The following FOXP1 variants were observed in gnomAD, a reference collection of about 807,000 sequenced individuals.
FOXP1 encodes the protein forkhead box protein P1.
Under a neutral mutation model 98.2 loss-of-function variants are expected in FOXP1, and 15 were observed. That is an observed-to-expected ratio of 0.15 (90% CI 0.10 to 0.24). The LOEUF is 0.24. Ranked by LOEUF, FOXP1 falls within the 10% of genes least tolerant of loss-of-function variation. FOXP1 has a pLI of 1.00. For synonymous variants in FOXP1, 371 were observed against 314.5 expected (o/e 1.18, Z -1.90); for missense variants, 633 against 848.5 (o/e 0.75, Z 3.15).
intron 7 of FOXP1, among the ~76,000 whole-genome samples, chr3:71,091,502 A>C (rs2055840813): frequency 6.6e-6 from 1 of 151,802 alleles, no homozygotes; most frequent in African/African-American, 2.4e-5. Context: ...AACAAAACAA[A>C]ACAAAACAAA....
intron 5 of FOXP1, among the ~76,000 whole-genome samples, chr3:71,282,924 G>A (rs1016394595): frequency 4.6e-5 from 7 of 152,068 alleles, no homozygotes; most frequent in African/African-American, 7.2e-5. Flanking sequence ...TCATCATGTC[G>A]GCACCTGAGA....
intron 10 of FOXP1, among the ~76,000 whole-genome samples, chr3:71,046,518 A>AC (rs1330341900): frequency 1.3e-5 from 2 of 152,214 alleles, no homozygotes; most frequent in Non-Finnish European, 2.9e-5. Context: ...AGATATTAAA[A>AC]CATGGCATTT....
At chr3:71,344,682 CA>C (rs111895618) in intron 4 of FOXP1, among the ~76,000 whole-genome samples, 1 of 151,906 alleles carries the variant, frequency 6.6e-6, no homozygotes, top group Non-Finnish European at 1.5e-5. Flanking sequence ...ACTAAAAATA[CA>C]AAAAAATTAG....
In FOXP1 at chr3:71,578,678, C is replaced by G. The variant is rs547177977; in HGVS notation, c.-298+2871G>C. On this transcript the variant is annotated intron_variant, in intron 2 of 20. Coordinates refer to ENST00000649528, the MANE Select transcript of FOXP1 (RefSeq NM_001349338.3). The stretch of plus-strand genomic sequence containing the variant: ...TCTTTCTTAATTTTGGCACTGGACC[C>G]CCTGCAATATAAATATATTTGAAAA... Among the ~76,000 whole-genome samples the G allele has an allele frequency of 4.6e-5, 7 of 152,230 alleles. No homozygotes were observed. The East Asian group carries it at 1.3e-3, about 29-fold the overall frequency.
chr3:71,004,304 TA>T (rs957659039), intron 12 of FOXP1, among the ~76,000 whole-genome samples: 183 of 149,740 alleles, frequency 1.2e-3, no homozygotes, highest in Non-Finnish European at 1.4e-3. Flanking sequence ...AGGAGATTAG[TA>T]AAAAAAAAAT....
chr3:71,366,444 A>G (rs1024202659), intron 3 of FOXP1, among the ~76,000 whole-genome samples: 6 of 152,224 alleles, frequency 3.9e-5, no homozygotes, highest in Non-Finnish European at 8.8e-5. Context: ...GGAAAATTGT[A>G]TCTACAGTAA....
chr3:71,036,398 G>T (rs2047595973), intron 11 of FOXP1, among the ~76,000 whole-genome samples: 1 of 152,088 alleles, frequency 6.6e-6, no homozygotes, highest in Non-Finnish European at 1.5e-5. Context: ...ATCTGATCAG[G>T]GTTTAAGGAA....
At chr3:71,042,868 A>T (rs2048534148) in intron 10 of FOXP1, among the ~76,000 whole-genome samples, 1 of 152,236 alleles carries the variant, frequency 6.6e-6, no homozygotes, top group African/African-American at 2.4e-5. Context: ...TCAGCCAAAC[A>T]TCTTTACTTT....
At chr3:71,233,747 A>G (rs902734326) in intron 5 of FOXP1, among the ~76,000 whole-genome samples, 1 of 152,128 alleles carries the variant, frequency 6.6e-6, no homozygotes, top group African/African-American at 2.4e-5. Context: ...GGGGACCCCA[A>G]GAAGGACAAA....
intron 4 of FOXP1, among the ~76,000 whole-genome samples, chr3:71,311,181 T>C (rs1043731076): frequency 6.6e-5 from 10 of 152,172 alleles, no homozygotes; most frequent in African/African-American, 2.2e-4. Context: ...AACTAACTAC[T>C]AGACTCAAGC....
At chr3:71,045,037 C>T (rs2048838947) in intron 10 of FOXP1, among the ~76,000 whole-genome samples, 2 of 152,092 alleles carry the variant, frequency 1.3e-5, no homozygotes, top group Non-Finnish European at 2.9e-5. Context: ...GGGGACAAAA[C>T]CAACCTCCTG....
At chr3:71,573,551 T>C (rs1363752344) in intron 2 of FOXP1, 1 of 152,188 alleles carries the variant, frequency 6.6e-6, no homozygotes, top group Non-Finnish European at 1.5e-5. Context: ...CAAAAGCCAT[T>C]ATTTAGAAAA....
intron 5 of FOXP1, among the ~76,000 whole-genome samples, chr3:71,207,659 T>C (rs1374445098): frequency 2.0e-5 from 3 of 152,188 alleles, no homozygotes; most frequent in African/African-American, 4.8e-5. Flanking sequence ...TGTATCTTTG[T>C]AATTTACAGC....
chr3:71,583,803 C>A (rs551714405), upstream of FOXP1: 31 of 987,126 alleles, frequency 3.1e-5, no homozygotes, highest in African/African-American at 4.6e-4. Context: ...CCAGCCAGCG[C>A]CGGTGGCGGC....
chr3:71,493,352 G>C (rs1412944453), intron 3 of FOXP1, 74 bp downstream of exon 3: 1 of 152,160 alleles, frequency 6.6e-6, no homozygotes, highest in Non-Finnish European at 1.5e-5. Context: ...CTCATCCTGG[G>C]TGGGCAACTG....
intron 6 of FOXP1, among the ~76,000 whole-genome samples, chr3:71,149,587 G>A (rs916753401): frequency 6.6e-6 from 1 of 152,004 alleles, no homozygotes; most frequent in Non-Finnish European, 1.5e-5. Flanking sequence ...CTACATTTAT[G>A]CCTTTTATCA....
chr3:70,976,851 A>T, intron 17 of FOXP1, 90 bp downstream of exon 17: 1 of 908,312 alleles, frequency 1.1e-6, no homozygotes, highest in Non-Finnish European at 1.8e-6. Context: ...ATATAAATGT[A>T]GCTTCCTTAT....
At chr3:71,511,306 C>T (rs1021766544) in intron 2 of FOXP1, among the ~76,000 whole-genome samples, 1 of 152,016 alleles carries the variant, frequency 6.6e-6, no homozygotes, top group African/African-American at 2.4e-5. Context: ...AAAGTAGGAA[C>T]CAGACCAGAC....
At chr3:71,217,825 T>G (rs1158508697) in intron 5 of FOXP1, among the ~76,000 whole-genome samples, 1 of 152,166 alleles carries the variant, frequency 6.6e-6, no homozygotes, top group Non-Finnish European at 1.5e-5. Flanking sequence ...CACTTCTCCC[T>G]GCTTCCAGAG....
Sources: gnomAD v4.1 joint callset for allele counts (sites outside exome capture counted in the v4.1 genomes callset) on GRCh38, gnomAD v4.1.1 for gene constraint, MANE v1.5 for transcripts, NCBI Gene and HGNC (gene_info 2026-07-23, HGNC 2026-07-21) for gene names.